The following KIFC3 variants were observed in gnomAD, a reference collection of about 807,000 sequenced individuals.
The protein encoded by KIFC3 is kinesin family member C3.
A neutral mutation model predicts 101.8 loss-of-function variants in KIFC3; 60 were observed. The observed-to-expected ratio is 0.59, with a 90% CI of 0.48 to 0.73. The LOEUF (loss-of-function observed/expected upper bound fraction) is 0.73, where lower values mean the gene tolerates loss of function less well. Among genes scored for constraint, KIFC3 ranks in the 30% least tolerant of loss-of-function variants. KIFC3 has a pLI of 0.00. For synonymous variants in KIFC3, 476 were observed against 482.7 expected (o/e 0.99, Z 0.18); for missense variants, 966 against 1,137.1 (o/e 0.85, Z 2.16).
In KIFC3 at chr16:57,758,790, G is replaced by A. The variant is rs782639030; in HGVS notation, c.*144C>T. 7.8e-7 allele frequency: 1 copy of A among 1,277,036 alleles called. No individual in the cohort carries two copies. Among genetic ancestry groups the A allele is most frequent in the Non-Finnish European group, 1.1e-6 (1 of 880,110 alleles). 79.1% of individuals were successfully genotyped at this position (1,277,036 alleles called of 1,614,324 possible). A position where few individuals can be genotyped will look rare whatever the true frequency, so the allele number is the denominator to read the frequency against. On this transcript the variant is annotated 3_prime_UTR_variant, in exon 20 of 20. Coordinates refer to ENST00000445690, the MANE Select transcript of KIFC3 (RefSeq NM_001130100.2). ...TGAGGGGAGACGGGGCAGAAGAAGAGCCTCCACTCTCGCCTCTACCTCCGG... is the reference window on the plus strand; with the variant it reads ...TGAGGGGAGACGGGGCAGAAGAAGAACCTCCACTCTCGCCTCTACCTCCGG...
chr16:57,858,038 G>T (rs911126907), intron 1 of KIFC3, among the ~76,000 whole-genome samples: 2 of 151,772 alleles, frequency 1.3e-5, no homozygotes, highest in African/African-American at 2.4e-5. Context: ...GGCTGGTCTC[G>T]ATCTCCTGAC....
At chr16:57,759,296 G>T in intron 18 of KIFC3, 143 bp from the exon 19 acceptor site, 1 of 996,024 alleles carries the variant, frequency 1.0e-6, no homozygotes, top group Non-Finnish European at 1.5e-6. Context: ...GGAGCCCTGG[G>T]TCCCGGTCCT....
intron 1 of KIFC3, chr16:57,815,591 G>A: frequency 7.8e-7 from 1 of 1,289,952 alleles, no homozygotes; most frequent in Non-Finnish European, 1.0e-6. Context: ...AGGGAGGCTG[G>A]GGGTGCCCCC....
intron 1 of KIFC3, among the ~76,000 whole-genome samples, chr16:57,843,084 G>T (rs1358995336): frequency 6.6e-6 from 1 of 151,288 alleles, no homozygotes; most frequent in African/African-American, 2.4e-5. Context: ...AGTGAGCCGA[G>T]ATCACACCAT....
Position 57,802,253 on chromosome 16 carries a change from G to A in KIFC3, c.-40+117C>T, listed in dbSNP as rs78067692. 48,078 of 446,116 alleles carry A rather than the reference G, an allele frequency of 0.11. 2,826 individuals are homozygous for A. Among genetic ancestry groups the A allele is most frequent in the African/African-American group, 0.18 (8,312 of 47,018 alleles). 27.6% of individuals were successfully genotyped at this position (446,116 alleles called of 1,614,324 possible). A position where few individuals can be genotyped will look rare whatever the true frequency, so the allele number is the denominator to read the frequency against. ...GCCTTTCCCTCCCCGCGCCCATAGC[G>A]GGTCCGGGCAGAGGGGTCCCGAGGG... On this transcript the variant is annotated intron_variant, in intron 1 of 19. Coordinates refer to ENST00000445690, the MANE Select transcript of KIFC3 (RefSeq NM_001130100.2). This position sits in a 1 kb window ranked among gnomAD's most constrained non-coding sequence, Gnocchi z 5.0.
At chr16:57,834,692 A>T (rs1348731631) in intron 1 of KIFC3, among the ~76,000 whole-genome samples, 3 of 151,860 alleles carry the variant, frequency 2.0e-5, no homozygotes, top group Admixed American at 2.0e-4. Context: ...TTTATTTTTT[A>T]TTTTTGTAGA....
Position 57,758,492 on chromosome 16 carries a change from C to A in KIFC3, c.*442G>T, listed in dbSNP as rs2049398149. ...GCTGCCATTGGTGCCACCAACCCAC[C>A]CCAGTCCCCATGGTTCTTGGGTCTG... On this transcript the variant is annotated 3_prime_UTR_variant, in exon 20 of 20. Coordinates refer to ENST00000445690, the MANE Select transcript of KIFC3 (RefSeq NM_001130100.2). The A allele has an allele frequency of 4.6e-6, 2 of 439,426 alleles. No homozygotes were observed. The highest frequency in any genetic ancestry group is 6.4e-5 in the Admixed American group (2 of 31,188). The allele number at this position is 439,426 out of a possible 1,614,324, so 27.2% of individuals were successfully genotyped here. A position where few individuals can be genotyped will look rare whatever the true frequency, so the allele number is the denominator to read the frequency against.
intron 1 of KIFC3, among the ~76,000 whole-genome samples, chr16:57,817,145 G>A (rs552724415): frequency 6.6e-6 from 1 of 152,222 alleles, no homozygotes; most frequent in Admixed American, 6.5e-5. Context: ...GATAACCTGA[G>A]GTCAGGAGTT....
intron 10 of KIFC3, chr16:57,765,949 T>C: frequency 3.5e-6 from 1 of 288,268 alleles, no homozygotes; most frequent in Non-Finnish European, 6.5e-6. Context: ...GAACGGACAC[T>C]CTTTTTCTCC....
chr16:57,833,781 C>A (rs2055631515), intron 1 of KIFC3, among the ~76,000 whole-genome samples: 1 of 151,892 alleles, frequency 6.6e-6, no homozygotes, highest in Non-Finnish European at 1.5e-5. Context: ...GGGGTCAGAC[C>A]TAGGGAGTAT....
chr16:57,768,609 G>C (rs1420275536), intron 9 of KIFC3, among the ~76,000 whole-genome samples: 4 of 151,970 alleles, frequency 2.6e-5, no homozygotes, highest in African/African-American at 9.7e-5. Flanking sequence ...AGTTGGGTGG[G>C]TGGCAGAGAG....
chr16:57,767,654 A>T (rs2050642140), intron 9 of KIFC3, among the ~76,000 whole-genome samples: 1 of 151,974 alleles, frequency 6.6e-6, no homozygotes, highest in Non-Finnish European at 1.5e-5. Flanking sequence ...ATTTTTTTTG[A>T]GACAGGGTCT....
Position 57,844,221 on chromosome 16 carries a change from G to A in KIFC3, c.108+18508C>T, listed in dbSNP as rs149427487. ...GCTGAGACAGGAGGATCATGAGGTC[G>A]GAGTTCAAGACCAGCCTGGCCAACA... On this transcript the variant is annotated intron_variant, in intron 1 of 2. Transcript: ENST00000563028. 3.0e-3 allele frequency among the ~76,000 whole-genome samples: 462 copies of A among 151,690 alleles called. 4 individuals carry two copies. The highest frequency in any genetic ancestry group is 0.01 in the African/African-American group (422 of 41,366).
At chr16:57,782,006 A>C in intron 3 of KIFC3, 2 of 985,438 alleles carry the variant, frequency 2.0e-6, no homozygotes, top group Non-Finnish European at 2.4e-6. Context: ...GAAACACGGC[A>C]CCATGGAAAA....
intron 1 of KIFC3, chr16:57,846,581 G>T (rs1746902786): frequency 6.6e-6 from 1 of 152,238 alleles, no homozygotes; most frequent in Admixed American, 6.5e-5. Flanking sequence ...CTTTAAGGAA[G>T]CTGCTCGCAG....
At position 57,764,267 on chromosome 16, in the gene KIFC3, GAGGCT is replaced by G; in HGVS notation, c.1513-25_1513-21del. ...GAACACCTGGGAGGGTGGTGGGAGGGAGGCTGGTGGGGGGGCTTCCAGGGCCGCTG... is the reference window on the plus strand; with the variant it reads ...GAACACCTGGGAGGGTGGTGGGAGGGGGTGGGGGGGCTTCCAGGGCCGCTG... On this transcript the variant is annotated intron_variant, in intron 11 of 19. Transcript: ENST00000445690. 7.5e-6 allele frequency: 8 copies of G among 1,073,300 alleles called. No individual in the cohort carries two copies. The highest frequency in any genetic ancestry group is 2.8e-5 in the East Asian group (1 of 35,264). The allele number at this position is 1,073,300 out of a possible 1,614,324, so 66.5% of individuals were successfully genotyped here. A position where few individuals can be genotyped will look rare whatever the true frequency, so the allele number is the denominator to read the frequency against.
chr16:57,798,626 C>T (rs1220389317), intron 1 of KIFC3: 10 of 397,142 alleles, frequency 2.5e-5, no homozygotes, highest in Middle Eastern at 7.3e-4. Flanking sequence ...GAGTCAGCAG[C>T]ATCTCCGTAA....
Position 57,770,717 on chromosome 16 carries a change from G to GA in KIFC3, c.766-18dup, listed in dbSNP as rs1555607441. The GA allele has an allele frequency of 2.8e-6, 4 of 1,434,268 alleles. No homozygotes were observed. In the African/African-American group the frequency reaches 4.3e-5, roughly 15 times the overall value. The allele number at this position is 1,434,268 out of a possible 1,614,324, so 88.8% of individuals were successfully genotyped here. A position where few individuals can be genotyped will look rare whatever the true frequency, so the allele number is the denominator to read the frequency against. ...GATGACATACTGCAGGGTGAGGGAG[G>GA]AATGGCACGTGGAGCCAGCGGGCAC... is the stretch of plus-strand genomic sequence containing the variant. On this transcript the variant is annotated splice_polypyrimidine_tract_variant and intron_variant, in intron 6 of 19. Coordinates refer to ENST00000445690, the MANE Select transcript of KIFC3 (RefSeq NM_001130100.2).
chr16:57,808,360 C>A (rs112834290), intron 1 of KIFC3, among the ~76,000 whole-genome samples: 1 of 152,024 alleles, frequency 6.6e-6, no homozygotes. Context: ...CTCCCACCAT[C>A]CTCCAGAAGC....
Sources: allele counts gnomAD v4.1 joint callset (sites outside exome capture counted in the v4.1 genomes callset), GRCh38; gene constraint gnomAD v4.1.1; non-coding constraint Gnocchi (gnomAD v3.1); transcripts MANE v1.5; gene names NCBI Gene and HGNC (gene_info 2026-07-23, HGNC 2026-07-21).